Variants in NELL1 observed in about 807,000 individuals in gnomAD.
NELL1 encodes the protein neural EGFL like 1.
Under a neutral mutation model 107.4 loss-of-function variants are expected in NELL1, and 76 were observed. That is an observed-to-expected ratio of 0.71 (90% CI 0.59 to 0.86). NELL1 has a LOEUF of 0.86. Among genes scored for constraint, NELL1 ranks in the 40% least tolerant of loss-of-function variants. The pLI is 0.00. For synonymous variants in NELL1, 353 were observed against 341.2 expected, an observed-to-expected ratio of 1.03 and a Z score of -0.38; for missense variants, 1,024 against 1,005.5, an observed-to-expected ratio of 1.02 and a Z score of -0.25.
At position 20,959,966 on chromosome 11, in the gene NELL1, C is replaced by T. The variant is rs541092889; in HGVS notation, c.1172-466C>T. Among the ~76,000 whole-genome samples the T allele has an allele frequency of 3.9e-5, 6 of 152,168 alleles. No individual in the cohort carries two copies. In the East Asian group the frequency reaches 1.2e-3, roughly 29 times the overall value. On this transcript the variant is annotated intron_variant, in intron 11 of 19. Transcript: ENST00000357134. ...TAAAAAGCTGCAAGGGAGTGATTAGCTCAAAATTGAGGATAGTTATCTCTA... is the reference window on the plus strand; with the variant it reads ...TAAAAAGCTGCAAGGGAGTGATTAGTTCAAAATTGAGGATAGTTATCTCTA...
At chr11:20,978,894 C>A (rs1851694368) in intron 12 of NELL1, among the ~76,000 whole-genome samples, 2 of 152,146 alleles carry the variant, frequency 1.3e-5, no homozygotes, top group Non-Finnish European at 2.9e-5. Flanking sequence ...CCCTCCTTTT[C>A]TAATTATTAT....
At chr11:21,287,524 C>T (rs1364314218) in intron 14 of NELL1, among the ~76,000 whole-genome samples, 3 of 152,180 alleles carry the variant, frequency 2.0e-5, no homozygotes, top group Admixed American at 6.5e-5. Flanking sequence ...CTCAGGTTCA[C>T]CATGTCTGTC....
intron 15 of NELL1, among the ~76,000 whole-genome samples, chr11:21,417,805 C>T (rs943927154): frequency 6.6e-6 from 1 of 152,048 alleles, no homozygotes; most frequent in African/African-American, 2.4e-5. Context: ...GGTCCTACTT[C>T]ACTCCCTATT....
chr11:21,205,545 G>C (rs2133853804), intron 13 of NELL1, among the ~76,000 whole-genome samples: 1 of 152,306 alleles, frequency 6.6e-6, no homozygotes, highest in Non-Finnish European at 1.5e-5. Flanking sequence ...GTTGCCCTTA[G>C]CTTGCTGGGC....
chr11:21,348,556 A>G (rs1211417605), intron 14 of NELL1, among the ~76,000 whole-genome samples: 2 of 152,228 alleles, frequency 1.3e-5, no homozygotes, highest in Non-Finnish European at 2.9e-5. Context: ...TGTTTGGATA[A>G]AAATAGCACC....
At chr11:21,422,954 A>G (rs1374473191) in intron 15 of NELL1, among the ~76,000 whole-genome samples, 1 of 152,194 alleles carries the variant, frequency 6.6e-6, no homozygotes, top group Non-Finnish European at 1.5e-5. Flanking sequence ...GAGACTCATT[A>G]TAGATCCAAA....
chr11:21,338,145 A>G (rs1256966554), intron 14 of NELL1, among the ~76,000 whole-genome samples: 1 of 152,084 alleles, frequency 6.6e-6, no homozygotes, highest in Non-Finnish European at 1.5e-5. Context: ...GTACAGATAT[A>G]ATGACAATGC....
chr11:20,692,658 T>C (rs111764052), intron 2 of NELL1, among the ~76,000 whole-genome samples: 3,831 of 152,002 alleles, frequency 0.025, 96 homozygotes, highest in African/African-American at 0.059. Flanking sequence ...AGACAGTTTG[T>C]TATAGTTTCT....
chr11:20,724,401 G>A (rs1640258363), intron 2 of NELL1, among the ~76,000 whole-genome samples: 1 of 152,092 alleles, frequency 6.6e-6, no homozygotes, highest in African/African-American at 2.4e-5. Context: ...ATAACTGAAT[G>A]CTTTCAGAAT....
At chr11:21,229,279 G>A in intron 13 of NELL1, 53 bp from the exon 14 acceptor site, 3 of 1,604,648 alleles carry the variant, frequency 1.9e-6, no homozygotes, top group Non-Finnish European at 2.6e-6. Context: ...CCCAATACCA[G>A]TAATTCCAAC....
At chr11:21,320,793 G>A (rs1012871570) in intron 14 of NELL1, among the ~76,000 whole-genome samples, 1 of 152,116 alleles carries the variant, frequency 6.6e-6, no homozygotes, top group Non-Finnish European at 1.5e-5. Flanking sequence ...ACTTGCTGCT[G>A]TCCAGGATGA....
At chr11:20,850,733 G>A (rs1364812471) in intron 4 of NELL1, among the ~76,000 whole-genome samples, 1 of 152,078 alleles carries the variant, frequency 6.6e-6, no homozygotes, top group African/African-American at 2.4e-5. Context: ...CTAATCCTGG[G>A]AGCTGCTTGG....
intron 17 of NELL1, among the ~76,000 whole-genome samples, chr11:21,563,212 C>T (rs1856892175): frequency 6.6e-6 from 1 of 152,078 alleles, no homozygotes; most frequent in Non-Finnish European, 1.5e-5. Flanking sequence ...ATCTGTGGCT[C>T]TTCCATTCAT....
In NELL1 at chr11:20,783,743, A is replaced by G; in HGVS notation, c.248A>G (p.Asn83Ser). The G allele has an allele frequency of 6.2e-7, 1 of 1,613,984 alleles. No individual in the cohort carries two copies. Among genetic ancestry groups the G allele is most frequent in the East Asian group, 2.2e-5 (1 of 44,868 alleles). Reference protein sequence around the residue: ...VSEKLIQLFRNKSEFTILATV... With the variant: ...VSEKLIQLFRSKSEFTILATV... ...GAGAAATTAATTCAGCTGTTCCGGAACAAGAGTGAATTCACCATTTTGGCC... is the reference window on the plus strand; with the variant it reads ...GAGAAATTAATTCAGCTGTTCCGGAGCAAGAGTGAATTCACCATTTTGGCC... Residue 83 changes from asparagine to serine, a missense_variant, in exon 3 of 20, where the codon AAC becomes AGC. Coordinates refer to ENST00000357134, the MANE Select transcript of NELL1 (RefSeq NM_006157.5).
intron 15 of NELL1, among the ~76,000 whole-genome samples, chr11:21,422,053 C>T (rs1003697144): frequency 6.6e-6 from 1 of 151,586 alleles, no homozygotes; most frequent in Non-Finnish European, 1.5e-5. Flanking sequence ...CTGGAAAAAA[C>T]CAACCTTCAT....
intron 2 of NELL1, among the ~76,000 whole-genome samples, chr11:20,679,251 C>G (rs1854135008): frequency 6.6e-6 from 1 of 152,174 alleles, no homozygotes; most frequent in Non-Finnish European, 1.5e-5. Flanking sequence ...GTGCTTTACT[C>G]TCAGAGAAGT....
intron 15 of NELL1, among the ~76,000 whole-genome samples, chr11:21,402,063 A>G (rs916788598): frequency 6.6e-6 from 1 of 151,818 alleles, no homozygotes; most frequent in African/African-American, 2.4e-5. Flanking sequence ...TGAAATATTT[A>G]TAGCTGGAGT....
intron 13 of NELL1, among the ~76,000 whole-genome samples, chr11:21,169,162 A>C (rs1187864477): frequency 6.6e-6 from 1 of 151,904 alleles, no homozygotes; most frequent in Non-Finnish European, 1.5e-5. Flanking sequence ...TATAGGGATC[A>C]TGGTGACCAA....
intron 3 of NELL1, among the ~76,000 whole-genome samples, chr11:20,795,758 T>G (rs769408343): frequency 6.6e-6 from 1 of 152,218 alleles, no homozygotes; most frequent in Admixed American, 6.5e-5. Flanking sequence ...GAAGACATTT[T>G]TGGCTTCCTA....
Sources: gnomAD v4.1 joint callset for allele counts (sites outside exome capture counted in the v4.1 genomes callset) on GRCh38, gnomAD v4.1.1 for gene constraint, MANE v1.5 for transcripts, NCBI Gene and HGNC (gene_info 2026-07-23, HGNC 2026-07-21) for gene names.